The following SCAF8 variants were observed in gnomAD, a reference collection of about 807,000 sequenced individuals.
SCAF8 encodes SR-related CTD associated factor 8.
Under a neutral mutation model 140.5 loss-of-function variants are expected in SCAF8, and 23 were observed. The ratio of observed to expected loss-of-function variants is 0.16; its 90% CI spans 0.12 to 0.23. SCAF8 has a LOEUF of 0.23. Ranked by LOEUF, SCAF8 falls within the 10% of genes least tolerant of loss-of-function variation. SCAF8 has a pLI of 1.00. For missense variants in SCAF8, 1,397 were observed against 1,555.7 expected, an observed-to-expected ratio of 0.90 and a Z score of 1.72; for synonymous variants, 575 against 528.9, an observed-to-expected ratio of 1.09 and a Z score of -1.20.
chr6:154,789,163 C>T (rs1210446193), intron 4 of SCAF8, among the ~76,000 whole-genome samples: 1 of 152,104 alleles, frequency 6.6e-6, no homozygotes, highest in Non-Finnish European at 1.5e-5. Flanking sequence ...GGCTGGAGTG[C>T]AATGGCATGA....
chr6:154,820,755 A>G (rs1175257089), intron 15 of SCAF8, among the ~76,000 whole-genome samples: 2 of 152,200 alleles, frequency 1.3e-5, no homozygotes, highest in African/African-American at 4.8e-5. Flanking sequence ...GTTCAGATGC[A>G]TACAATGTTA....
intron 1 of SCAF8, among the ~76,000 whole-genome samples, chr6:154,750,013 T>C (rs149787303): frequency 9.2e-5 from 14 of 151,918 alleles, no homozygotes; most frequent in African/African-American, 3.4e-4. Flanking sequence ...AGATGGGTGT[T>C]GCCAGGGCTT....
At chr6:154,815,968 T>TAAC (rs926015728) in intron 13 of SCAF8, 152 bp downstream of exon 13, 21 of 496,770 alleles carry the variant, frequency 4.2e-5, no homozygotes, top group Non-Finnish European at 6.6e-5. Context: ...TGTCTGTGTT[T>TAAC]ATTTTGGTGC....
In SCAF8 at chr6:154,745,976, C is replaced by T. The variant is rs141731535; in HGVS notation, c.30+12046C>T. 3.4e-3 allele frequency among the ~76,000 whole-genome samples: 519 copies of T among 152,216 alleles called. 2 individuals are homozygous for T. The highest frequency in any genetic ancestry group is 0.012 in the African/African-American group (494 of 41,532). ...TCTCAGCTCACTGCAGCCTCCACCT[C>T]CCAGGTTCAAGCGATTCTCGTGCCT... On this transcript the variant is annotated intron_variant, in intron 1 of 19. Coordinates refer to ENST00000367178, the MANE Select transcript of SCAF8 (RefSeq NM_014892.5).
At chr6:154,743,521 A>G (rs1019846845) in intron 1 of SCAF8, among the ~76,000 whole-genome samples, 1 of 152,352 alleles carries the variant, frequency 6.6e-6, no homozygotes, top group Admixed American at 6.5e-5. Flanking sequence ...TAAGTACCTG[A>G]GAAATTTGAT....
chr6:154,830,148 G>C (rs2114695648), intron 18 of SCAF8, among the ~76,000 whole-genome samples: 1 of 152,256 alleles, frequency 6.6e-6, no homozygotes, highest in East Asian at 1.9e-4. Context: ...AATTGCCTTT[G>C]CTGTCTCATT....
intron 1 of SCAF8, among the ~76,000 whole-genome samples, chr6:154,741,570 C>A (rs1446005288): frequency 6.6e-6 from 1 of 152,070 alleles, no homozygotes; most frequent in Non-Finnish European, 1.5e-5. Context: ...CCACACCCGG[C>A]TAATTTTTGT....
intron 1 of SCAF8, among the ~76,000 whole-genome samples, chr6:154,742,933 A>T (rs1778608213): frequency 6.7e-6 from 1 of 148,924 alleles, no homozygotes; most frequent in Non-Finnish European, 1.5e-5. Flanking sequence ...TATTTAATGA[A>T]CATGTATCGC....
intron 2 of SCAF8, among the ~76,000 whole-genome samples, chr6:154,777,369 C>T (rs1776947096): frequency 6.6e-6 from 1 of 152,118 alleles, no homozygotes; most frequent in African/African-American, 2.4e-5. Flanking sequence ...CTTAAATCTT[C>T]TAAGTTTTCT....
At chr6:154,798,022 G>T (rs1299675088) in intron 6 of SCAF8, among the ~76,000 whole-genome samples, 1 of 151,260 alleles carries the variant, frequency 6.6e-6, no homozygotes, top group African/African-American at 2.4e-5. Context: ...CACTTCATTG[G>T]TTGTTTTTCA....
At chr6:154,743,968 G>A (rs1778633890) in intron 1 of SCAF8, among the ~76,000 whole-genome samples, 1 of 152,100 alleles carries the variant, frequency 6.6e-6, no homozygotes, top group South Asian at 2.1e-4. Flanking sequence ...ACATATTTTT[G>A]AAGTACTTTT....
chr6:154,745,217 T>C (rs1778668701), intron 1 of SCAF8, among the ~76,000 whole-genome samples: 1 of 152,212 alleles, frequency 6.6e-6, no homozygotes, highest in Non-Finnish European at 1.5e-5. Flanking sequence ...ATTTTTAGAA[T>C]TGCTTTAATA....
chr6:154,776,285 G>A (rs1003759802), intron 2 of SCAF8, among the ~76,000 whole-genome samples: 5 of 149,720 alleles, frequency 3.3e-5, no homozygotes, highest in South Asian at 4.2e-4. Context: ...ACTGCATTTA[G>A]TGTGTATATA....
intron 3 of SCAF8, among the ~76,000 whole-genome samples, chr6:154,786,549 A>G (rs1777264965): frequency 6.6e-6 from 1 of 152,206 alleles, no homozygotes; most frequent in African/African-American, 2.4e-5. Flanking sequence ...CTATTATTAA[A>G]TATTTTGTTT....
intron 9 of SCAF8, among the ~76,000 whole-genome samples, 197 bp downstream of exon 9, chr6:154,805,683 A>G (rs1777892870): frequency 6.6e-6 from 1 of 151,194 alleles, no homozygotes. Flanking sequence ...TAGTAAGACC[A>G]TTTTTTTCAG....
Position 154,733,593 on chromosome 6 carries a change from G to C in SCAF8, c.-308G>C. Reference sequence around the variant, plus strand: ...AGGGAGGGGGACCGAAACGGAGCGGGGCAGAGAAGAGAAGGCGCCGCGGCC... The same window carrying C: ...AGGGAGGGGGACCGAAACGGAGCGGCGCAGAGAAGAGAAGGCGCCGCGGCC... On this transcript the variant is annotated 5_prime_UTR_variant, in exon 1 of 20. Coordinates refer to ENST00000367178, the MANE Select transcript of SCAF8 (RefSeq NM_014892.5). 7.7e-7 allele frequency: 1 copy of C among 1,291,384 alleles called. No homozygotes were observed. Among genetic ancestry groups the C allele is most frequent in the African/African-American group, 1.5e-5 (1 of 64,648 alleles). 80.0% of individuals were successfully genotyped at this position (1,291,384 alleles called of 1,614,324 possible).
chr6:154,821,870 T>C (rs2114676663), intron 15 of SCAF8, among the ~76,000 whole-genome samples: 1 of 152,330 alleles, frequency 6.6e-6, no homozygotes, highest in East Asian at 1.9e-4. Context: ...TTTGTTCTCT[T>C]TTTGCATAGC....
chr6:154,789,572 G>A (rs1328506180), intron 4 of SCAF8, among the ~76,000 whole-genome samples: 1 of 143,328 alleles, frequency 7.0e-6, no homozygotes, highest in Admixed American at 7.0e-5. Context: ...TTGAGACGGA[G>A]TCTTGCTCTT....
At chr6:154,757,303 T>C (rs778252841) in intron 1 of SCAF8, among the ~76,000 whole-genome samples, 10 of 152,166 alleles carry the variant, frequency 6.6e-5, no homozygotes, top group Non-Finnish European at 1.2e-4. Context: ...CCAATAAATA[T>C]ACTTTTTATA....
Sources: gnomAD v4.1 joint callset for allele counts (sites outside exome capture counted in the v4.1 genomes callset) on GRCh38, gnomAD v4.1.1 for gene constraint, MANE v1.5 for transcripts, NCBI Gene and HGNC (gene_info 2026-07-23, HGNC 2026-07-21) for gene names.